Variants in DNM3 observed in about 807,000 individuals in gnomAD.
DNM3 encodes the protein dynamin-3.
Under a neutral mutation model 101.6 loss-of-function variants are expected in DNM3, and 47 were observed. That is an observed-to-expected ratio of 0.46 (90% CI 0.37 to 0.59). DNM3 has a LOEUF of 0.59. DNM3 is among the 20% of genes least tolerant of loss of function. The pLI is 0.00. For missense variants in DNM3, 849 were observed against 1,085.7 expected (o/e 0.78, Z 3.06); for synonymous variants, 385 against 387.9 (o/e 0.99, Z 0.09).
intron 14 of DNM3, among the ~76,000 whole-genome samples, chr1:172,234,224 A>G (rs2061447340): frequency 6.6e-6 from 1 of 152,198 alleles, no homozygotes; most frequent in Non-Finnish European, 1.5e-5. Flanking sequence ...TGCAAAAATC[A>G]CAAGCATTCT....
At chr1:172,091,672 G>A (rs2053920007) in intron 12 of DNM3, among the ~76,000 whole-genome samples, 1 of 152,196 alleles carries the variant, frequency 6.6e-6, no homozygotes, top group African/African-American at 2.4e-5. Context: ...GGTTGCTTGA[G>A]TAGGGCCTTG....
chr1:172,092,944 T>G, intron 13 of DNM3, 69 bp downstream of exon 13: 1 of 1,390,704 alleles, frequency 7.2e-7, no homozygotes, highest in Middle Eastern at 1.8e-4. Context: ...CTTGATTGAC[T>G]ATTTTTTTAA....
chr1:172,002,407 G>A (rs1288436033), intron 4 of DNM3, among the ~76,000 whole-genome samples: 1 of 152,000 alleles, frequency 6.6e-6, no homozygotes, highest in Non-Finnish European at 1.5e-5. Context: ...TGAAAAATTT[G>A]TTTTACAAGT....
intron 11 of DNM3, among the ~76,000 whole-genome samples, chr1:172,075,332 C>T (rs1045470759): frequency 1.3e-5 from 2 of 152,108 alleles, no homozygotes; most frequent in Non-Finnish European, 2.9e-5. Context: ...TCCCATTTGT[C>T]AGTTTTGGCT....
chr1:172,028,556 A>T (rs772158062), intron 4 of DNM3, among the ~76,000 whole-genome samples: 49 of 152,188 alleles, frequency 3.2e-4, no homozygotes, highest in Admixed American at 6.5e-4. Flanking sequence ...AAGAGAAGAA[A>T]TAACTAGGAT....
chr1:172,349,138 G>A (rs1052699476), intron 17 of DNM3, among the ~76,000 whole-genome samples: 1 of 152,104 alleles, frequency 6.6e-6, no homozygotes, highest in African/African-American at 2.4e-5. Context: ...CCACTTGGAT[G>A]CTCTACAGAT....
chr1:172,159,092 C>A (rs142485859), intron 14 of DNM3, among the ~76,000 whole-genome samples: 1 of 151,974 alleles, frequency 6.6e-6, no homozygotes, highest in Non-Finnish European at 1.5e-5. Flanking sequence ...TGGTCACATT[C>A]GTCCTTTGGA....
chr1:172,300,599 T>G (rs1278358901), intron 15 of DNM3, among the ~76,000 whole-genome samples: 4 of 152,232 alleles, frequency 2.6e-5, no homozygotes, highest in African/African-American at 9.6e-5. Context: ...CTGGGATAAC[T>G]GGCTAGCCAT....
At chr1:172,044,476 T>C (rs371546380) in intron 9 of DNM3, 24 bp downstream of exon 9, 254 of 1,586,156 alleles carry the variant, frequency 1.6e-4, no homozygotes, top group Non-Finnish European at 2.1e-4. Context: ...ATTTTTCTTG[T>C]CATCTGTTCA....
At chr1:172,333,222 T>A (rs2066265819) in intron 17 of DNM3, among the ~76,000 whole-genome samples, 1 of 152,190 alleles carries the variant, frequency 6.6e-6, no homozygotes, top group Non-Finnish European at 1.5e-5. Flanking sequence ...GTTCATGTAT[T>A]ATTAACTTGA....
intron 2 of DNM3, among the ~76,000 whole-genome samples, chr1:171,977,878 T>G (rs2180748): frequency 0.52 from 78,390 of 152,042 alleles, 21,828 homozygotes; most frequent in East Asian, 0.73. Flanking sequence ...ACATTACAAC[T>G]CTCACATGTA....
At chr1:171,844,981 T>G (rs2031843705) in intron 1 of DNM3, among the ~76,000 whole-genome samples, 1 of 152,174 alleles carries the variant, frequency 6.6e-6, no homozygotes, top group Admixed American at 6.5e-5. Flanking sequence ...ATAATCTCAT[T>G]TAGTCCTCAT....
intron 2 of DNM3, among the ~76,000 whole-genome samples, chr1:171,947,728 C>G (rs535463235): frequency 4.3e-4 from 65 of 152,304 alleles, no homozygotes; most frequent in African/African-American, 1.5e-3. Context: ...CGCATCTCCT[C>G]TCTCCCAGGC....
At chr1:172,261,068 T>A (rs1177212909) in intron 15 of DNM3, among the ~76,000 whole-genome samples, 1 of 152,120 alleles carries the variant, frequency 6.6e-6, no homozygotes, top group Non-Finnish European at 1.5e-5. Flanking sequence ...CAACTCAGCC[T>A]CCTGTGTAGT....
At chr1:172,298,927 G>C (rs2586412) in intron 15 of DNM3, among the ~76,000 whole-genome samples, 41,833 of 151,588 alleles carry the variant, frequency 0.28, 5,847 homozygotes, top group East Asian at 0.31. Flanking sequence ...AAGAAAAACA[G>C]ATGCATAATT....
chr1:172,248,556 A>G (rs531103283), intron 14 of DNM3, among the ~76,000 whole-genome samples: 2 of 152,240 alleles, frequency 1.3e-5, no homozygotes, highest in African/African-American at 2.4e-5. Flanking sequence ...AAAAAGGTCT[A>G]TGATGTGCTA....
In DNM3 at chr1:172,410,211, G is replaced by C. The variant is rs188118009; in HGVS notation, c.*2370G>C. ...TTAGTATGAATCTCATTTCCCAAAG[G>C]GTTTGTATTCTGCTAAAAGGAGATG... On this transcript the variant is annotated 3_prime_UTR_variant, in exon 21 of 21. Transcript: ENST00000627582. 228 of 985,270 alleles carry C rather than the reference G, an allele frequency of 2.3e-4. 5 individuals are homozygous for C. The East Asian group carries it at 0.016, about 70-fold the overall frequency. The allele number at this position is 985,270 out of a possible 1,614,324, so 61.0% of individuals were successfully genotyped here.
intron 15 of DNM3, among the ~76,000 whole-genome samples, chr1:172,306,401 A>G (rs1197583558): frequency 1.3e-5 from 2 of 152,222 alleles, no homozygotes; most frequent in Non-Finnish European, 2.9e-5. Flanking sequence ...ATGGAAGAAC[A>G]TTCCATGTTC....
At chr1:171,866,953 G>A (rs2034812452) in intron 1 of DNM3, among the ~76,000 whole-genome samples, 1 of 152,170 alleles carries the variant, frequency 6.6e-6, no homozygotes, top group African/African-American at 2.4e-5. Flanking sequence ...TGTACTTTTA[G>A]GGTCTTGCTT....
Sources: allele counts gnomAD v4.1 joint callset (sites outside exome capture counted in the v4.1 genomes callset), GRCh38; gene constraint gnomAD v4.1.1; transcripts MANE v1.5; gene names NCBI Gene and HGNC (gene_info 2026-07-23, HGNC 2026-07-21).